Variants in FRMD6 observed in about 807,000 individuals in gnomAD.
The protein encoded by FRMD6 is FERM domain-containing protein 6.
FRMD6 carries 37 observed loss-of-function variants against 73.2 expected under a neutral mutation model. That is an observed-to-expected ratio of 0.51 (90% CI 0.39 to 0.66). The LOEUF is 0.66. Among genes scored for constraint, FRMD6 ranks in the 30% least tolerant of loss-of-function variants. FRMD6 has a pLI of 0.00. For synonymous variants in FRMD6, 273 were observed against 282.2 expected (o/e 0.97, Z 0.33); for missense variants, 714 against 780.5 (o/e 0.91, Z 1.02).
chr14:51,669,172 T>C (rs572158042), intron 1 of FRMD6, among the ~76,000 whole-genome samples: 1 of 152,326 alleles, frequency 6.6e-6, no homozygotes, highest in East Asian at 1.9e-4. Flanking sequence ...GATGCTTTTG[T>C]ATCTGGCCAT....
At chr14:51,662,707 A>G (rs1004170926) in intron 1 of FRMD6, among the ~76,000 whole-genome samples, 7 of 152,244 alleles carry the variant, frequency 4.6e-5, no homozygotes, top group Non-Finnish European at 8.8e-5. Context: ...AAGACAACCT[A>G]GGCAATACCG....
intron 2 of FRMD6, among the ~76,000 whole-genome samples, chr14:51,603,889 T>C (rs1204760402): frequency 2.0e-5 from 3 of 152,034 alleles, no homozygotes; most frequent in South Asian, 2.1e-4. Flanking sequence ...ACATATTTTA[T>C]GTAGAATATT....
chr14:51,503,063 C>T (rs1033548909), intron 1 of FRMD6, among the ~76,000 whole-genome samples: 3 of 152,188 alleles, frequency 2.0e-5, no homozygotes, highest in African/African-American at 7.2e-5. Context: ...TGATAGTTTG[C>T]TGAAGTTGCT....
intron 1 of FRMD6, among the ~76,000 whole-genome samples, chr14:51,514,061 T>G (rs944152841): frequency 3.3e-5 from 5 of 152,228 alleles, no homozygotes; most frequent in African/African-American, 1.2e-4. Context: ...GCCTGGCACA[T>G]GGAAGGTGCT....
At chr14:51,478,324 A>AT in the FRMD6 span, among the ~76,000 whole-genome samples, 8 of 152,142 alleles carry the variant, frequency 5.3e-5, no homozygotes, top group African/African-American at 1.9e-4. Context: ...TTCTCATTGG[A>AT]TTTTTTTTCC....
At chr14:51,584,142 G>A (rs905086968) in intron 2 of FRMD6, 4 of 152,170 alleles carry the variant, frequency 2.6e-5, no homozygotes, top group Non-Finnish European at 5.9e-5. Context: ...CTAGAGGGTT[G>A]AAATGACTCC....
At chr14:51,459,698 G>A in the FRMD6 span, among the ~76,000 whole-genome samples, 1 of 151,572 alleles carries the variant, frequency 6.6e-6, no homozygotes, top group Non-Finnish European at 1.5e-5. Flanking sequence ...GTGGTGGCGG[G>A]TGCCTGTAGT....
At chr14:51,547,569 G>A (rs760506924) in intron 1 of FRMD6, 4 of 152,136 alleles carry the variant, frequency 2.6e-5, no homozygotes, top group Non-Finnish European at 5.9e-5. Flanking sequence ...CTCCTGGTCT[G>A]GTGATGTATA....
chr14:51,516,286 G>A (rs889064287), intron 1 of FRMD6, among the ~76,000 whole-genome samples: 1 of 152,274 alleles, frequency 6.6e-6, no homozygotes. Context: ...CTGGTTTTTA[G>A]GTTAGCTTTT....
chr14:51,514,601 A>T (rs1444984001), intron 1 of FRMD6, among the ~76,000 whole-genome samples: 1 of 152,234 alleles, frequency 6.6e-6, no homozygotes, highest in African/African-American at 2.4e-5. Context: ...TAATCCCAGC[A>T]CTTTAGGAGG....
At chr14:51,448,441 C>T in the FRMD6 span, among the ~76,000 whole-genome samples, 1 of 152,218 alleles carries the variant, frequency 6.6e-6, no homozygotes, top group Non-Finnish European at 1.5e-5. Context: ...GCATCTATTT[C>T]ATCTTGGTTT....
chr14:51,633,598 CAAAAAAA>C (rs375453243), intron 2 of FRMD6, among the ~76,000 whole-genome samples: 16 of 45,866 alleles, frequency 3.5e-4, no homozygotes, highest in South Asian at 8.5e-4. Context: ...AAGACCCTGT[CAAAAAAA>C]AAAAAAAAAA....
chr14:51,711,078 A>G (rs530021947), intron 7 of FRMD6, among the ~76,000 whole-genome samples: 4 of 152,192 alleles, frequency 2.6e-5, no homozygotes, highest in Non-Finnish European at 5.9e-5. Context: ...GCCCAGTTTT[A>G]AACATATAAA....
chr14:51,643,574 G>A (rs1032110793), intron 2 of FRMD6: 4 of 152,192 alleles, frequency 2.6e-5, no homozygotes, highest in South Asian at 2.1e-4. Flanking sequence ...ACCACTCAGC[G>A]ATTAAACTGA....
intron 1 of FRMD6, among the ~76,000 whole-genome samples, chr14:51,661,466 G>A (rs1893215822): frequency 6.6e-6 from 1 of 152,190 alleles, no homozygotes; most frequent in Non-Finnish European, 1.5e-5. Flanking sequence ...TGAACTATGA[G>A]TTGTTTTTCT....
At chr14:51,528,141 C>CA (rs71443177) in intron 1 of FRMD6, among the ~76,000 whole-genome samples, 1 of 151,934 alleles carries the variant, frequency 6.6e-6, no homozygotes, top group African/African-American at 2.4e-5. Flanking sequence ...GACGCTGTCT[C>CA]AAAAAAACAA....
chr14:51,663,081 C>A (rs1237597218), intron 1 of FRMD6, among the ~76,000 whole-genome samples: 1 of 152,112 alleles, frequency 6.6e-6, no homozygotes, highest in African/African-American at 2.4e-5. Flanking sequence ...CATCTCACAC[C>A]AGTCAGAATG....
At chr14:51,612,873 G>C (rs1001736196) in intron 2 of FRMD6, among the ~76,000 whole-genome samples, 22 of 152,212 alleles carry the variant, frequency 1.4e-4, no homozygotes, top group African/African-American at 5.1e-4. Context: ...TGATAGATAT[G>C]TGCCATAATG....
At chr14:51,719,377 A>C (rs964218410) in intron 10 of FRMD6, among the ~76,000 whole-genome samples, 3 of 152,254 alleles carry the variant, frequency 2.0e-5, no homozygotes, top group African/African-American at 7.2e-5. Context: ...TAGATGATAA[A>C]GCCTCACTAA....
Sources: gnomAD v4.1 joint callset for allele counts (sites outside exome capture counted in the v4.1 genomes callset) on GRCh38, gnomAD v4.1.1 for gene constraint, MANE v1.5 for transcripts, NCBI Gene and HGNC (gene_info 2026-07-23, HGNC 2026-07-21) for gene names.